CACNA1C: variants seen among roughly 807,000 people sequenced by gnomAD.
CACNA1C encodes voltage-dependent L-type calcium channel subunit alpha-1C.
In CACNA1C, 30 loss-of-function variants were observed where a neutral mutation model predicts 229.0. The ratio of observed to expected loss-of-function variants is 0.13; its 90% CI spans 0.10 to 0.18. The LOEUF (loss-of-function observed/expected upper bound fraction) is 0.18. CACNA1C is among the 10% of genes least tolerant of loss of function. The pLI, the probability that CACNA1C is intolerant of heterozygous loss-of-function variation, is 1.00. For synonymous variants in CACNA1C, 1,114 were observed against 1,132.5 expected, an observed-to-expected ratio of 0.98 and a Z score of 0.33; for missense variants, 1,658 against 2,845.0, an observed-to-expected ratio of 0.58 and a Z score of 9.49.
intron 3 of CACNA1C, among the ~76,000 whole-genome samples, chr12:2,375,066 C>G (rs115834843): frequency 1.3e-5 from 2 of 152,204 alleles, no homozygotes; most frequent in South Asian, 2.1e-4. Flanking sequence ...AGATGGGGAA[C>G]AAAATGAGAC....
At chr12:2,369,099 A>G (rs534185800) in intron 3 of CACNA1C, among the ~76,000 whole-genome samples, 1 of 152,222 alleles carries the variant, frequency 6.6e-6, no homozygotes, top group Non-Finnish European at 1.5e-5. Context: ...AGAGCCATAA[A>G]ATAATGCATC....
rs1390771867 is a variant in CACNA1C, at chr12:2,694,571, G to T, written c.*3372G>T. On this transcript the variant is annotated 3_prime_UTR_variant, in exon 47 of 47. Transcript: ENST00000399655. ...AATCCAATAGGCCTCACTCTCACTG[G>T]GAAATCCACTCAAAGGAACAAGGCA... The T allele has an allele frequency of 6.6e-6, 1 of 152,180 alleles. No individual in the cohort carries two copies. The highest frequency in any genetic ancestry group is 1.5e-5 in the Non-Finnish European group (1 of 68,060). 9.4% of individuals were successfully genotyped at this position (152,180 alleles called of 1,614,324 possible).
chr12:2,077,727 C>T (rs963860231), intron 1 of CACNA1C, among the ~76,000 whole-genome samples: 8 of 152,058 alleles, frequency 5.3e-5, no homozygotes, highest in Non-Finnish European at 8.8e-5. Context: ...TTGCATAAAG[C>T]CCAGAACCTT....
At position 2,493,803 on chromosome 12, in the gene CACNA1C, A is replaced by G. The variant is rs752976141; in HGVS notation, c.1113+417A>G. Among the ~76,000 whole-genome samples the G allele has an allele frequency of 2.6e-5, 4 of 152,264 alleles. No individual in the cohort carries two copies. The highest frequency in any genetic ancestry group is 4.4e-5 in the Non-Finnish European group (3 of 68,054). The stretch of plus-strand genomic sequence containing the variant: ...TTATGTATTCTTAGGGCAGAAGAGA[A>G]GAAGTCCTGATCTTCTAAAAAGAAG... On this transcript the variant is annotated intron_variant, in intron 7 of 46. Coordinates refer to ENST00000399655, the MANE Select transcript of CACNA1C (RefSeq NM_000719.7). This position sits in a 1 kb window ranked among gnomAD's most constrained non-coding sequence, Gnocchi z 4.6.
chr12:2,213,310 G>A (rs2097989788), intron 3 of CACNA1C, among the ~76,000 whole-genome samples: 1 of 152,088 alleles, frequency 6.6e-6, no homozygotes, highest in Admixed American at 6.5e-5. Context: ...TTTCTCTGGT[G>A]CTGCTTGTTG....
chr12:2,598,218 G>A (rs1468943827), intron 21 of CACNA1C, among the ~76,000 whole-genome samples: 2 of 152,146 alleles, frequency 1.3e-5, no homozygotes, highest in South Asian at 2.1e-4. Flanking sequence ...AGCAGGTGCC[G>A]CAAGGAACCT....
intron 13 of CACNA1C, among the ~76,000 whole-genome samples, chr12:2,572,492 TC>T (rs2055920220): frequency 2.2e-5 from 2 of 90,386 alleles, no homozygotes; most frequent in African/African-American, 8.8e-5. Context: ...TTCCTCCTCC[TC>T]CTCCTCTCCT....
At chr12:2,533,018 TG>T (rs1472829667) in intron 9 of CACNA1C, among the ~76,000 whole-genome samples, 1 of 152,188 alleles carries the variant, frequency 6.6e-6, no homozygotes, top group African/African-American at 2.4e-5. Context: ...CCAGCTCTCC[TG>T]AGAAATTACA....
rs2053558192 is a variant in CACNA1C at position 2,054,124 on chromosome 12, C to T, written c.49+513C>T. Among the ~76,000 whole-genome samples, 1 of 150,992 alleles carries T rather than the reference C, an allele frequency of 6.6e-6. No homozygotes were observed. The highest frequency in any genetic ancestry group is 1.5e-5 in the Non-Finnish European group (1 of 67,678). Reference sequence around the variant, plus strand: ...CCTCGCGCTGCCCGGCGTCCACTCTCGTCCAGGCGCCCCTGCCCTGGGCGG... The same window carrying T: ...CCTCGCGCTGCCCGGCGTCCACTCTTGTCCAGGCGCCCCTGCCCTGGGCGG... On this transcript the variant is annotated intron_variant, in intron 1 of 46. Coordinates refer to ENST00000399655, the MANE Select transcript of CACNA1C (RefSeq NM_000719.7). This position sits in a 1 kb window ranked among gnomAD's most constrained non-coding sequence, Gnocchi z 5.5.
At chr12:2,567,319 G>A (rs1670637183) in intron 12 of CACNA1C, among the ~76,000 whole-genome samples, 1 of 152,212 alleles carries the variant, frequency 6.6e-6, no homozygotes, top group African/African-American at 2.4e-5. Flanking sequence ...GGCCTGCTAT[G>A]AGGAGGAGAG....
intron 3 of CACNA1C, among the ~76,000 whole-genome samples, chr12:2,420,686 A>G (rs901070869): frequency 6.6e-5 from 10 of 152,362 alleles, no homozygotes; most frequent in East Asian, 3.9e-4. Flanking sequence ...GAATGGGCCA[A>G]TAAAACATGG....
In CACNA1C at chr12:2,651,919, C is replaced by T. The variant is rs531614834; in HGVS notation, c.4074+151C>T. 6.6e-6 allele frequency among the ~76,000 whole-genome samples: 1 copy of T among 152,018 alleles called. No individual in the cohort carries two copies. Among genetic ancestry groups the T allele is most frequent in the African/African-American group, 2.4e-5 (1 of 41,386 alleles). On this transcript the variant is annotated intron_variant, in intron 32 of 46. Coordinates refer to ENST00000399655, the MANE Select transcript of CACNA1C (RefSeq NM_000719.7). This position sits in a 1 kb window ranked among gnomAD's most constrained non-coding sequence, Gnocchi z 5.4. ...GGCCGCTCTGCCTGGCTCCCTGTTT[C>T]CGCACCGAGAGGCCTAGACGAAGCA...
chr12:2,421,522 G>A (rs763598924), intron 3 of CACNA1C, among the ~76,000 whole-genome samples: 17 of 152,180 alleles, frequency 1.1e-4, no homozygotes, highest in Non-Finnish European at 2.2e-4. Context: ...CCCAACTAGA[G>A]TAGTCCAACA....
rs143982148 is a variant in CACNA1C, at chr12:2,123,325, G to A, written c.477+2895G>A. ...TGGGAGGCGGAGCTTGCAGTGAGCC[G>A]AGATCGCGCCACCGCACTCCAGCCT... On this transcript the variant is annotated intron_variant, in intron 3 of 46. Transcript: ENST00000399655. Among the ~76,000 whole-genome samples the A allele has an allele frequency of 8.5e-3, 1,175 of 137,536 alleles. 19 individuals are homozygous for A. Among genetic ancestry groups the A allele is most frequent in the African/African-American group, 0.03 (1,099 of 36,170 alleles). The allele number at this position is 137,536 out of a possible 152,430, so 90.2% of individuals were successfully genotyped here.
chr12:2,094,345 G>A (rs963011606), intron 1 of CACNA1C, among the ~76,000 whole-genome samples: 1 of 152,192 alleles, frequency 6.6e-6, no homozygotes, highest in African/African-American at 2.4e-5. Context: ...CGTTTGTTGA[G>A]ACTCAGCGGA....
At chr12:2,126,122 T>C (rs889502044) in intron 3 of CACNA1C, among the ~76,000 whole-genome samples, 57 of 135,494 alleles carry the variant, frequency 4.2e-4, no homozygotes, top group African/African-American at 1.9e-3. Flanking sequence ...CAGAATAGAG[T>C]TTTTTTTTTA....
intron 11 of CACNA1C, among the ~76,000 whole-genome samples, chr12:2,565,448 T>C (rs964626285): frequency 9.0e-4 from 120 of 133,724 alleles, no homozygotes; most frequent in African/African-American, 3.3e-3. Context: ...CAGTCCGGCC[T>C]GGGCGACAGA....
chr12:1,986,348 G>T (rs1008247917), intron 1 of CACNA1C, among the ~76,000 whole-genome samples: 1 of 152,160 alleles, frequency 6.6e-6, no homozygotes, highest in Admixed American at 6.5e-5. Context: ...GCTGTCAGGG[G>T]CCTTTTTCCC....
At chr12:2,284,786 T>G (rs1312853647) in intron 3 of CACNA1C, among the ~76,000 whole-genome samples, 3 of 152,246 alleles carry the variant, frequency 2.0e-5, no homozygotes, top group African/African-American at 7.2e-5. Flanking sequence ...CATTTCAGCC[T>G]TGTTCCAGTG....
Sources: allele counts gnomAD v4.1 joint callset (sites outside exome capture counted in the v4.1 genomes callset), GRCh38; gene constraint gnomAD v4.1.1; non-coding constraint Gnocchi (gnomAD v3.1); transcripts MANE v1.5; gene names NCBI Gene and HGNC (gene_info 2026-07-23, HGNC 2026-07-21).